Variants in IQCH observed in about 807,000 individuals in gnomAD.
IQCH encodes IQ domain-containing protein H.
A neutral mutation model predicts 117.0 loss-of-function variants in IQCH; 98 were observed. That is an observed-to-expected ratio of 0.84 (90% CI 0.71 to 0.99). IQCH has a LOEUF of 0.99. Among genes scored for constraint, IQCH ranks in the 50% least tolerant of loss-of-function variants. The pLI is 0.00. For synonymous variants in IQCH, 412 were observed against 448.2 expected (o/e 0.92, Z 1.02); for missense variants, 1,102 against 1,243.8 (o/e 0.89, Z 1.72).
chr15:67,398,776 A>G (rs1971547703), intron 13 of IQCH, among the ~76,000 whole-genome samples: 1 of 152,110 alleles, frequency 6.6e-6, no homozygotes, highest in African/African-American at 2.4e-5. Flanking sequence ...AAAAAAGAGG[A>G]TAAGAGTGTC....
At chr15:67,383,660 A>G (rs560179753) in intron 10 of IQCH, among the ~76,000 whole-genome samples, 4 of 152,334 alleles carry the variant, frequency 2.6e-5, no homozygotes, top group African/African-American at 9.6e-5. Context: ...ATCCCAAGTT[A>G]CAATATTGCA....
intron 10 of IQCH, among the ~76,000 whole-genome samples, chr15:67,374,884 G>A (rs924548910): frequency 3.9e-5 from 6 of 152,178 alleles, no homozygotes; most frequent in Non-Finnish European, 8.8e-5. Context: ...GCAACTAATT[G>A]TGGACCAGAC....
intron 4 of IQCH, among the ~76,000 whole-genome samples, chr15:67,295,361 G>C (rs1207165315): frequency 6.6e-6 from 1 of 152,160 alleles, no homozygotes; most frequent in Non-Finnish European, 1.5e-5. Flanking sequence ...ATATGGCCAA[G>C]TACTGGCTAA....
At chr15:67,451,402 CCA>C (rs1230720674) in intron 16 of IQCH, among the ~76,000 whole-genome samples, 1 of 151,444 alleles carries the variant, frequency 6.6e-6, no homozygotes, top group African/African-American at 2.4e-5. Context: ...TGAATGTGTC[CCA>C]GAGATTCTGG....
intron 4 of IQCH, among the ~76,000 whole-genome samples, chr15:67,323,617 A>T (rs1283702833): frequency 6.6e-6 from 1 of 152,024 alleles, no homozygotes; most frequent in Non-Finnish European, 1.5e-5. Flanking sequence ...ACCTCTTCAT[A>T]TTATTTTTAG....
chr15:67,334,456 T>G (rs1968804482), intron 4 of IQCH, among the ~76,000 whole-genome samples: 1 of 152,206 alleles, frequency 6.6e-6, no homozygotes, highest in African/African-American at 2.4e-5. Context: ...ATATGCTGTT[T>G]TGCACCATTG....
intron 4 of IQCH, among the ~76,000 whole-genome samples, chr15:67,305,702 G>C (rs986212634): frequency 2.0e-5 from 3 of 152,074 alleles, no homozygotes; most frequent in African/African-American, 7.2e-5. Context: ...TGTGTTTCAT[G>C]TGAACTTTTT....
In IQCH at chr15:67,466,056, C is replaced by A. The variant is rs537609994; in HGVS notation, c.2676+759C>A. On this transcript the variant is annotated intron_variant, in intron 17 of 20. Transcript: ENST00000335894. The surrounding 1 kb of genome is among the most constrained non-coding windows in gnomAD (Gnocchi z 4.4). ...TGATCTTCAGGAAAATCCCATTTCCCAGCTTGGTTAAGGAGCCCCATCATG... is the reference window on the plus strand; with the variant it reads ...TGATCTTCAGGAAAATCCCATTTCCAAGCTTGGTTAAGGAGCCCCATCATG... Among the ~76,000 whole-genome samples the A allele has an allele frequency of 2.6e-5, 4 of 152,310 alleles. No individual in the cohort carries two copies. The highest frequency in any genetic ancestry group is 9.6e-5 in the African/African-American group (4 of 41,572).
chr15:67,493,191 T>C lies in IQCH; in HGVS notation c.2862-1067T>C, dbSNP rs1035304187. On this transcript the variant is annotated intron_variant, in intron 19 of 20. Transcript: ENST00000335894. The surrounding 1 kb of genome is among the most constrained non-coding windows in gnomAD (Gnocchi z 5.1). ...TTAATCTCATCCCTAACTGCAGTCA[T>C]AGAACCACAGAATGTTAGAACAGGG... Among the ~76,000 whole-genome samples the C allele has an allele frequency of 2.0e-5, 3 of 152,164 alleles. No homozygotes were observed. The highest frequency in any genetic ancestry group is 4.4e-5 in the Non-Finnish European group (3 of 68,028).
In IQCH at chr15:67,414,060, G is replaced by C. The variant is rs112024769; in HGVS notation, c.2098-2871G>C. On this transcript the variant is annotated intron_variant, in intron 14 of 20. Coordinates refer to ENST00000335894, the MANE Select transcript of IQCH (RefSeq NM_001031715.3). ...TAAATGTGACCTCGTTTATCTTCCC[G>C]ATGCCCTTCAGAGGCAGGGAATCCC... 3.8e-3 allele frequency among the ~76,000 whole-genome samples: 579 copies of C among 152,284 alleles called. 12 individuals carry two copies. The highest frequency in any genetic ancestry group is 0.012 in the African/African-American group (484 of 41,558).
rs949437253 is a variant in IQCH at position 67,413,264 on chromosome 15, C to T, written c.2098-3667C>T. 3.9e-5 allele frequency among the ~76,000 whole-genome samples: 6 copies of T among 152,110 alleles called. No homozygotes were observed. Among genetic ancestry groups the T allele is most frequent in the Non-Finnish European group, 5.9e-5 (4 of 68,040 alleles). Reference sequence around the variant, plus strand: ...CCAAAAACTGAGAGCTTGCATCTGACGTCGATAGACCCATTGTGGCTGTTG... The same window carrying T: ...CCAAAAACTGAGAGCTTGCATCTGATGTCGATAGACCCATTGTGGCTGTTG... On this transcript the variant is annotated intron_variant, in intron 14 of 20. Coordinates refer to ENST00000335894, the MANE Select transcript of IQCH (RefSeq NM_001031715.3). The surrounding 1 kb of genome is among the most constrained non-coding windows in gnomAD (Gnocchi z 5.0).
chr15:67,343,787 C>A (rs1455492284), intron 5 of IQCH, among the ~76,000 whole-genome samples: 1 of 152,070 alleles, frequency 6.6e-6, no homozygotes, highest in Non-Finnish European at 1.5e-5. Flanking sequence ...TTTTAGTTTG[C>A]CTTGAAATTA....
rs1596316073 is a variant in IQCH at position 67,404,054 on chromosome 15, A to G, written c.2097+3749A>G. ...AACTGGCTCTTGAATGCTTCTAGTA[A>G]ACATTGCTATTTTAGCCCTTTGCAA... is the stretch of plus-strand genomic sequence containing the variant. On this transcript the variant is annotated intron_variant, in intron 14 of 20. Transcript: ENST00000335894. This position sits in a 1 kb window ranked among gnomAD's most constrained non-coding sequence, Gnocchi z 4.6. 6.6e-6 allele frequency: 1 copy of G among 152,330 alleles called. No individual in the cohort carries two copies. The highest frequency in any genetic ancestry group is 1.9e-4 in the East Asian group (1 of 5,194). 9.4% of individuals were successfully genotyped at this position (152,330 alleles called of 1,614,324 possible).
chr15:67,418,981 C>A (rs2081653383), intron 15 of IQCH, among the ~76,000 whole-genome samples: 2 of 152,032 alleles, frequency 1.3e-5, no homozygotes. Flanking sequence ...CATCTGCCTG[C>A]AAAAGCCTCC....
At chr15:67,379,194 T>C (rs796232676) in intron 10 of IQCH, among the ~76,000 whole-genome samples, 3 of 152,334 alleles carry the variant, frequency 2.0e-5, no homozygotes, top group African/African-American at 7.2e-5. Context: ...GTTGTTTTGG[T>C]TGACACACAT....
chr15:67,470,841 T>C (rs1455070032), intron 17 of IQCH, among the ~76,000 whole-genome samples: 2 of 152,218 alleles, frequency 1.3e-5, no homozygotes, highest in Non-Finnish European at 2.9e-5. Context: ...ATTCTGTGTC[T>C]ATATATCCTT....
In IQCH at chr15:67,485,911, C is replaced by T. The variant is rs577525620; in HGVS notation, c.2800-4092C>T. Among the ~76,000 whole-genome samples the T allele has an allele frequency of 2.6e-5, 4 of 152,158 alleles. No homozygotes were observed. In the South Asian group the frequency reaches 8.3e-4, roughly 32 times the overall value. ...TTACCTCATGATCGGCCCGCCTCAG[C>T]CTCCCAAAGTGCTGGGATTACAGGC... On this transcript the variant is annotated intron_variant, in intron 18 of 20. Coordinates refer to ENST00000335894, the MANE Select transcript of IQCH (RefSeq NM_001031715.3).
intron 4 of IQCH, among the ~76,000 whole-genome samples, chr15:67,316,201 G>A (rs1450243942): frequency 6.6e-6 from 1 of 152,070 alleles, no homozygotes; most frequent in African/African-American, 2.4e-5. Context: ...CACTTAAGAT[G>A]GGGCTGACCC....
intron 17 of IQCH, among the ~76,000 whole-genome samples, chr15:67,470,254 T>A (rs973360195): frequency 5.9e-5 from 9 of 152,230 alleles, no homozygotes; most frequent in Non-Finnish European, 1.2e-4. Context: ...CACTGCAAGT[T>A]CCGCCTCACA....
Sources: allele counts gnomAD v4.1 joint callset (sites outside exome capture counted in the v4.1 genomes callset), GRCh38; gene constraint gnomAD v4.1.1; non-coding constraint Gnocchi (gnomAD v3.1); transcripts MANE v1.5; gene names NCBI Gene and HGNC (gene_info 2026-07-23, HGNC 2026-07-21).